Variants in BTNL9 observed in about 807,000 individuals in gnomAD.
The protein encoded by BTNL9 is butyrophilin like 9.
Under a neutral mutation model 45.8 loss-of-function variants are expected in BTNL9, and 45 were observed. That is an observed-to-expected ratio of 0.98 (90% CI 0.77 to 1.26). BTNL9 has a LOEUF of 1.26. BTNL9 is among the 50% of genes most tolerant of loss of function. BTNL9 has a pLI of 0.00. For missense variants in BTNL9, 784 were observed against 729.7 expected, an observed-to-expected ratio of 1.07 and a Z score of -0.86; for synonymous variants, 346 against 330.8, an observed-to-expected ratio of 1.05 and a Z score of -0.50.
At position 181,054,276 on chromosome 5, in the gene BTNL9, G is replaced by A; in HGVS notation, c.907+17G>A. 2 of 1,610,368 alleles carry A rather than the reference G, an allele frequency of 1.2e-6. No individual in the cohort carries two copies. Among genetic ancestry groups the A allele is most frequent in the Non-Finnish European group, 1.7e-6 (2 of 1,179,552 alleles). ...CAGAGCTGGGTAAGTTCTGGGTGCGGGGCCACAGTGCTGCCTGTCAGCCGG... is the reference window on the plus strand; with the variant it reads ...CAGAGCTGGGTAAGTTCTGGGTGCGAGGCCACAGTGCTGCCTGTCAGCCGG... On this transcript the variant is annotated intron_variant, in intron 7 of 10. Transcript: ENST00000327705.
chr5:181,047,544 A>G, intron 2 of BTNL9: 1 of 979,174 alleles, frequency 1.0e-6, no homozygotes, highest in Non-Finnish European at 1.2e-6. Context: ...TTATGCAAAT[A>G]CGTATGTTTT....
rs758884841 is a variant in BTNL9 at position 181,059,605 on chromosome 5, G to A, written c.1351G>A (p.Val451Ile). 6 of 1,613,332 alleles carry A rather than the reference G, an allele frequency of 3.7e-6. No homozygotes were observed. The highest frequency in any genetic ancestry group is 1.3e-5 in the African/African-American group (1 of 75,066). Residue 451 changes from valine (V) to isoleucine (I), a missense_variant, in exon 11 of 11, where the codon GTC becomes ATC. By Grantham distance (29) the Val-to-Ile change is conservative. Coordinates refer to ENST00000327705, the MANE Select transcript of BTNL9 (RefSeq NM_152547.5). ...TLRVPPRRLG[V>I]FLDYEAGELS... ...GCGCGTGCCCCCGCGGCGCCTGGGC[G>A]TCTTCCTGGACTACGAGGCCGGAGA...
rs777034367 is a variant in BTNL9, at chr5:181,042,940, G to A, written c.-24+2508G>A. ...TGTACCCAGACACACGACGTAGCTG[G>A]TGAGGAATCTGAATTCGAGAAGTGC... On this transcript the variant is annotated intron_variant, in intron 1 of 10. Transcript: ENST00000327705. This position sits in a 1 kb window ranked among gnomAD's most constrained non-coding sequence, Gnocchi z 4.5. 6.6e-6 allele frequency among the ~76,000 whole-genome samples: 1 copy of A among 152,122 alleles called. No homozygotes were observed. Among genetic ancestry groups the A allele is most frequent in the Non-Finnish European group, 1.5e-5 (1 of 68,020 alleles).
At position 181,059,345 on chromosome 5, in the gene BTNL9, C is replaced by T; in HGVS notation, c.1091C>T (p.Pro364Leu). 2 of 1,543,900 alleles carry T rather than the reference C, an allele frequency of 1.3e-6. No homozygotes were observed. Among genetic ancestry groups the T allele is most frequent in the South Asian group, 1.2e-5 (1 of 84,172 alleles). The change falls in exon 11 of 11, where the codon CCG (proline) becomes CTG (leucine). Residue 364 changes from proline to leucine, a missense_variant. Physicochemically the swap from Pro to Leu is moderately conservative, Grantham distance 98. Coordinates refer to ENST00000327705, the MANE Select transcript of BTNL9 (RefSeq NM_152547.5). Reference sequence around the variant, plus strand: ...CCGCCAGGCCCGGCGCCTGGCCACCCGCAGCGGTTCTCGGAGCAGACGTGC... The same window carrying T: ...CCGCCAGGCCCGGCGCCTGGCCACCTGCAGCGGTTCTCGGAGCAGACGTGC... ...GAPPGPAPGH[P>L]QRFSEQTCAL...
intron 10 of BTNL9, 29 bp from the exon 11 acceptor site, chr5:181,059,208 G>A (rs755950409): frequency 6.7e-7 from 1 of 1,493,472 alleles, no homozygotes; most frequent in South Asian, 1.3e-5. Flanking sequence ...ACCGTCCCGG[G>A]CGGGCACTAA....
rs1170572008 is a variant in BTNL9, at chr5:181,059,586, G to A, written c.1332G>A (p.Val444=). Residue 444 remains valine, a synonymous_variant, in exon 11 of 11, where the codon GTG becomes GTA. Coordinates refer to ENST00000327705, the MANE Select transcript of BTNL9 (RefSeq NM_152547.5). The part of the protein sequence containing the change: ...APHRVALTLR[V]PPRRLGVFLD... Reference sequence around the variant, plus strand: ...ACCGCGTCGCGCTCACCCTGCGCGTGCCCCCGCGGCGCCTGGGCGTCTTCC... The same window carrying A: ...ACCGCGTCGCGCTCACCCTGCGCGTACCCCCGCGGCGCCTGGGCGTCTTCC... 2 of 1,612,726 alleles carry A rather than the reference G, an allele frequency of 1.2e-6. No individual in the cohort carries two copies. The highest frequency in any genetic ancestry group is 1.6e-4 in the Middle Eastern group (1 of 6,084).
chr5:181,052,923 G>C (rs1373497366), intron 4 of BTNL9: 1 of 151,940 alleles, frequency 6.6e-6, no homozygotes, highest in African/African-American at 2.4e-5. Context: ...GGGAAGACGC[G>C]GGGCGAGGGC....
intron 7 of BTNL9, 69 bp downstream of exon 7, chr5:181,054,328 G>C: frequency 6.3e-7 from 1 of 1,592,636 alleles, no homozygotes; most frequent in Non-Finnish European, 8.5e-7. Flanking sequence ...GTGGGAGGAG[G>C]GGCTCCCTTT....
At position 181,051,089 on chromosome 5, in the gene BTNL9, C is replaced by CAA. The variant is rs372848158; in HGVS notation, c.736+733_736+734dup. ...GCGAGAATCCGTCTCAAAAAAAAAA[C>CAA]AAAAAAAAAAAAAACAAGAAGAAGG... On this transcript the variant is annotated intron_variant, in intron 4 of 10. Transcript: ENST00000327705. Among the ~76,000 whole-genome samples, 699 of 131,796 alleles carry CAA rather than the reference C, an allele frequency of 5.3e-3. 4 individuals are homozygous for CAA. The highest frequency in any genetic ancestry group is 0.028 in the Middle Eastern group (7 of 254). 86.5% of individuals were successfully genotyped at this position (131,796 alleles called of 152,430 possible).
intron 1 of BTNL9, among the ~76,000 whole-genome samples, chr5:181,044,147 G>A (rs534262550): frequency 1.3e-5 from 2 of 152,264 alleles, no homozygotes; most frequent in African/African-American, 4.8e-5. Flanking sequence ...GTGCCTCCTA[G>A]CCTAAGGGTC....
chr5:181,048,786 T>TA (rs1761346809), intron 3 of BTNL9, among the ~76,000 whole-genome samples: 5 of 19,856 alleles, frequency 2.5e-4, no homozygotes, highest in Non-Finnish European at 6.6e-4. Context: ...TATATATTAA[T>TA]TATATAGTTA....
At chr5:181,054,525 G>C in intron 7 of BTNL9, 2 of 985,430 alleles carry the variant, frequency 2.0e-6, no homozygotes, top group Non-Finnish European at 2.4e-6. Flanking sequence ...AACGTTTACT[G>C]TCTCCGGTTC....
rs148064584 is a variant in BTNL9 at position 181,047,975 on chromosome 5, A to C, written c.158A>C (p.Glu53Ala). 1 of 1,613,780 alleles carries C rather than the reference A, an allele frequency of 6.2e-7. No individual in the cohort carries two copies. The highest frequency in any genetic ancestry group is 8.5e-7 in the Non-Finnish European group (1 of 1,180,006). Reference protein sequence around the residue: ...PEYPILALVGEEVEFPCHLWP... With the variant: ...PEYPILALVGAEVEFPCHLWP... Reference sequence around the variant, plus strand: ...TATCCCATCCTGGCCCTCGTCGGGGAGGAGGTGGAGTTCCCGTGCCACCTA... The same window carrying C: ...TATCCCATCCTGGCCCTCGTCGGGGCGGAGGTGGAGTTCCCGTGCCACCTA... The change falls in exon 3 of 11, where the codon GAG (glutamate) becomes GCG (alanine). Residue 53 changes from glutamate to alanine, a missense_variant. Transcript: ENST00000327705.
chr5:181,047,176 C>A (rs75283042), intron 2 of BTNL9, among the ~76,000 whole-genome samples: 1 of 152,068 alleles, frequency 6.6e-6, no homozygotes, highest in Non-Finnish European at 1.5e-5. Flanking sequence ...GGGAACCGTG[C>A]GTGCGGAAGA....
In BTNL9 at chr5:181,046,983, C is replaced by T. The variant is rs537591006; in HGVS notation, c.110-944C>T. ...GGAAGGGTATTGGATACTCACCCAG[C>T]GGGCAATGAGGTGCCTCAAATAGTG... On this transcript the variant is annotated intron_variant, in intron 2 of 10. Coordinates refer to ENST00000327705, the MANE Select transcript of BTNL9 (RefSeq NM_152547.5). Among the ~76,000 whole-genome samples, 13 of 152,222 alleles carry T rather than the reference C, an allele frequency of 8.5e-5. No homozygotes were observed. In the South Asian group the frequency reaches 1.2e-3, roughly 15 times the overall value.
chr5:181,043,615 AC>A (rs1450905522), intron 1 of BTNL9: 6 of 152,020 alleles, frequency 3.9e-5, no homozygotes, highest in Non-Finnish European at 7.3e-5. Flanking sequence ...GCATAAACAC[AC>A]CCTGAGCCCC....
intron 3 of BTNL9, 112 bp downstream of exon 3, chr5:181,048,383 A>G: frequency 1.0e-6 from 1 of 980,434 alleles, no homozygotes; most frequent in Non-Finnish European, 1.5e-6. Context: ...AAAAAACATA[A>G]AAGCTGATGG....
intron 2 of BTNL9, chr5:181,047,594 C>T (rs1249296955): frequency 5.0e-6 from 4 of 795,200 alleles, no homozygotes; most frequent in Non-Finnish European, 6.3e-6. Context: ...TTGACACTTG[C>T]TTTTTTGATC....
At position 181,060,127 on chromosome 5, in the gene BTNL9, T is replaced by C; in HGVS notation, c.*265T>C. ...TCCACGTCGCTCAGAGCTGGGGTGCTCACGGTGGGCGGTGGGCAAGAAGCC... is the reference window on the plus strand; with the variant it reads ...TCCACGTCGCTCAGAGCTGGGGTGCCCACGGTGGGCGGTGGGCAAGAAGCC... On this transcript the variant is annotated 3_prime_UTR_variant, in exon 11 of 11. Transcript: ENST00000327705. 2.3e-6 allele frequency: 1 copy of C among 440,864 alleles called. No individual in the cohort carries two copies. The highest frequency in any genetic ancestry group is 4.0e-6 in the Non-Finnish European group (1 of 251,764). The allele number at this position is 440,864 out of a possible 1,614,324, so 27.3% of individuals were successfully genotyped here.
Sources: allele counts gnomAD v4.1 joint callset (sites outside exome capture counted in the v4.1 genomes callset), GRCh38; gene constraint gnomAD v4.1.1; non-coding constraint Gnocchi (gnomAD v3.1); transcripts MANE v1.5; gene names NCBI Gene and HGNC (gene_info 2026-07-23, HGNC 2026-07-21).